METTL4: variants seen among roughly 807,000 people sequenced by gnomAD.
The protein encoded by METTL4 is N(6)-adenine-specific methyltransferase METTL4.
METTL4 carries 40 observed loss-of-function variants against 54.0 expected under a neutral mutation model. The ratio of observed to expected loss-of-function variants is 0.74; its 90% confidence interval spans 0.58 to 0.96. The LOEUF is 0.96. Ranked by LOEUF, METTL4 falls within the 50% of genes least tolerant of loss-of-function variation. The probability of loss-of-function intolerance (pLI) is 0.00; values close to 1 mark genes in which losing one functional copy is unlikely to be tolerated. For missense variants in METTL4, 525 were observed against 549.0 expected, an observed-to-expected ratio of 0.96 and a Z score of 0.44; for synonymous variants, 169 against 183.8, an observed-to-expected ratio of 0.92 and a Z score of 0.65.
chr18:2,563,914 T>C lies in METTL4; in HGVS notation c.397-55A>G, dbSNP rs568297572. 161 of 1,248,764 alleles carry C rather than the reference T, an allele frequency of 1.3e-4. No homozygotes were observed. The African/African-American group carries it at 2.1e-3, about 16-fold the overall frequency. The allele number at this position is 1,248,764 out of a possible 1,614,324, so 77.4% of individuals were successfully genotyped here. Reference sequence around the variant, plus strand: ...GTTATGTTGCCATTAATATTTTGCTTTTTCATTATAACATTATTTATGTCT... The same window carrying C: ...GTTATGTTGCCATTAATATTTTGCTCTTTCATTATAACATTATTTATGTCT... On this transcript the variant is annotated intron_variant, in intron 2 of 8. Coordinates refer to ENST00000574538, the MANE Select transcript of METTL4 (RefSeq NM_022840.5).
At position 2,567,363 on chromosome 18, in the gene METTL4, T is replaced by C; in HGVS notation, c.-147A>G. 1.7e-6 allele frequency: 1 copy of C among 579,354 alleles called. No homozygotes were observed. Among genetic ancestry groups the C allele is most frequent in the Non-Finnish European group, 2.9e-6 (1 of 349,116 alleles). The allele number at this position is 579,354 out of a possible 1,614,324, so 35.9% of individuals were successfully genotyped here. On this transcript the variant is annotated 5_prime_UTR_variant, in exon 2 of 9. It removes an upstream start codon present in the reference 5' UTR. Coordinates refer to ENST00000574538, the MANE Select transcript of METTL4 (RefSeq NM_022840.5). ...GATATACAAGTACAAAAACCTGACA[T>C]GCACATTGAAGAGAATTTATCATTC...
Position 2,551,113 on chromosome 18 carries a change from G to A in METTL4, c.899+1582C>T, listed in dbSNP as rs528733722. Among the ~76,000 whole-genome samples, 971 of 137,960 alleles carry A rather than the reference G, an allele frequency of 7.0e-3. 4 individuals carry two copies. Among genetic ancestry groups the A allele is most frequent in the Non-Finnish European group, 0.01 (692 of 66,050 alleles). The allele number at this position is 137,960 out of a possible 152,430, so 90.5% of individuals were successfully genotyped here. On this transcript the variant is annotated intron_variant, in intron 5 of 8. Transcript: ENST00000574538. ...CGGGAGGCGGAGCTTGCAGTGAGCC[G>A]AGATCGCGCCACTGCACTCCAGCCT...
Position 2,544,744 on chromosome 18 carries a change from C to T in METTL4, c.1090G>A (p.Glu364Lys), listed in dbSNP as rs1413388959. The change falls in exon 7 of 9, where the codon GAA (glutamate) becomes AAA (lysine). Residue 364 changes from glutamate to lysine, a missense_variant. Glu to Lys is a moderately conservative substitution (Grantham distance 56). Coordinates refer to ENST00000574538, the MANE Select transcript of METTL4 (RefSeq NM_022840.5). The part of the protein sequence containing the change: ...WHWVKITNSG[E>K]FVFPLDSPHK... ...GGAGAATCTAATGGGAACACAAATTCTCCTGAATTGGTTATCTGATAGGAA... is the reference window on the plus strand; with the variant it reads ...GGAGAATCTAATGGGAACACAAATTTTCCTGAATTGGTTATCTGATAGGAA... The T allele has an allele frequency of 6.2e-7, 1 of 1,611,798 alleles. No individual in the cohort carries two copies. The highest frequency in any genetic ancestry group is 1.7e-5 in the Admixed American group (1 of 59,804).
At chr18:2,566,675 C>T in intron 2 of METTL4, 146 bp downstream of exon 2, 1 of 549,310 alleles carries the variant, frequency 1.8e-6, no homozygotes, top group Non-Finnish European at 2.8e-6. Flanking sequence ...AAAAAAGCTA[C>T]AAATTATTTC....
At chr18:2,561,098 T>C (rs930138270) in intron 3 of METTL4, 9 of 152,150 alleles carry the variant, frequency 5.9e-5, no homozygotes, top group Admixed American at 4.6e-4. Context: ...TCCAACTCAG[T>C]TGAAACCCAG....
intron 3 of METTL4, chr18:2,561,842 T>C (rs180862671): frequency 6.6e-6 from 1 of 152,364 alleles, no homozygotes; most frequent in East Asian, 1.9e-4. Flanking sequence ...GTAAATCTTA[T>C]TAATTTTTTT....
intron 2 of METTL4, chr18:2,566,545 GTTT>G: frequency 5.4e-6 from 1 of 186,520 alleles, no homozygotes; most frequent in Non-Finnish European, 1.1e-5. Flanking sequence ...CTTTTTGTTT[GTTT>G]TTTTGCTGTC....
rs574810044 is a variant in METTL4, at chr18:2,537,633, C to G, written c.*1367G>C. ...AAGCCTCTGATACTATACTCACACA[C>G]TCAAAGGATGAACAAACTTCAAAAA... On this transcript the variant is annotated 3_prime_UTR_variant, in exon 9 of 9. Coordinates refer to ENST00000574538, the MANE Select transcript of METTL4 (RefSeq NM_022840.5). The G allele has an allele frequency of 1.4e-5, 5 of 360,326 alleles. No individual in the cohort carries two copies. In the East Asian group the frequency reaches 2.0e-4, roughly 14 times the overall value. The allele number at this position is 360,326 out of a possible 1,614,324, so 22.3% of individuals were successfully genotyped here. A position where few individuals can be genotyped will look rare whatever the true frequency, so the allele number is the denominator to read the frequency against.
In METTL4 at chr18:2,547,668, A is replaced by T. The variant is rs2072092320; in HGVS notation, c.900-139T>A. 3 of 576,746 alleles carry T rather than the reference A, an allele frequency of 5.2e-6. No individual in the cohort carries two copies. In the African/African-American group the frequency reaches 5.7e-5, roughly 11 times the overall value. 35.7% of individuals were successfully genotyped at this position (576,746 alleles called of 1,614,324 possible). A position where few individuals can be genotyped will look rare whatever the true frequency, so the allele number is the denominator to read the frequency against. On this transcript the variant is annotated intron_variant, in intron 5 of 8. Transcript: ENST00000574538. ...TATTTGTGTAGCAAAATATAAAGCC[A>T]CAGTGACACCCAGTGGACATATTAT...
At position 2,570,175 on chromosome 18, in the gene METTL4, G is replaced by C. The variant is rs186620630; in HGVS notation, c.-439+974C>G. ...TGTGATCATCCTTCCATCTATTGGA[G>C]TCTAGCTTGAAATGTGACAACCGGA... is the stretch of plus-strand genomic sequence containing the variant. On this transcript the variant is annotated intron_variant, in intron 1 of 8. Coordinates refer to ENST00000574538, the MANE Select transcript of METTL4 (RefSeq NM_022840.5). 5.8e-3 allele frequency among the ~76,000 whole-genome samples: 878 copies of C among 152,306 alleles called. 9 individuals are homozygous for C. Among genetic ancestry groups the C allele is most frequent in the African/African-American group, 0.02 (837 of 41,552 alleles).
chr18:2,550,344 C>CA (rs998686858), intron 5 of METTL4, among the ~76,000 whole-genome samples: 9 of 151,776 alleles, frequency 5.9e-5, no homozygotes, highest in East Asian at 3.8e-4. Context: ...GGAAAGTATG[C>CA]AAAAAAACAG....
chr18:2,556,693 AG>A (rs2072243931), intron 3 of METTL4, among the ~76,000 whole-genome samples: 1 of 152,170 alleles, frequency 6.6e-6, no homozygotes, highest in Non-Finnish European at 1.5e-5. Flanking sequence ...AAAGATGTAA[AG>A]GAAAAAAATG....
At chr18:2,563,941 A>G in intron 2 of METTL4, 82 bp from the exon 3 acceptor site, 2 of 807,410 alleles carry the variant, frequency 2.5e-6, no homozygotes, top group East Asian at 2.7e-5. Context: ...TTTATGTCTT[A>G]TATCTGTCTA....
In METTL4 at chr18:2,554,793, C is replaced by A; in HGVS notation, c.705G>T (p.Leu235Phe). 6.2e-7 allele frequency: 1 copy of A among 1,613,844 alleles called. No individual in the cohort carries two copies. The highest frequency in any genetic ancestry group is 1.1e-5 in the South Asian group (1 of 91,070). The change falls in exon 4 of 9, where the codon TTG becomes TTT. Residue 235 changes from leucine (L) to phenylalanine (F), a missense_variant. Coordinates refer to ENST00000574538, the MANE Select transcript of METTL4 (RefSeq NM_022840.5). ...AGCTAGAGTTGTTTTCAACAACTCGCAAAAATAAATCCTGTTCTGTAACAG... is the reference window on the plus strand; with the variant it reads ...AGCTAGAGTTGTTTTCAACAACTCGAAAAAATAAATCCTGTTCTGTAACAG... ...DTSVTEQDLF[L>F]RVVENNSSFT... is the part of the protein sequence containing the mutation.
chr18:2,558,928 T>C (rs2143557215), intron 3 of METTL4, among the ~76,000 whole-genome samples: 1 of 152,240 alleles, frequency 6.6e-6, no homozygotes, highest in East Asian at 1.9e-4. Flanking sequence ...AATGAGATAC[T>C]ACTCCACACC....
At chr18:2,554,559 T>C in intron 4 of METTL4, 110 bp downstream of exon 4, 2 of 946,994 alleles carry the variant, frequency 2.1e-6, no homozygotes, top group South Asian at 1.6e-5. Flanking sequence ...GAAAAGTGTC[T>C]ACCCTATCCT....
At chr18:2,544,326 A>C (rs746427124) in intron 7 of METTL4, 40 bp from the exon 8 acceptor site, 32 of 1,477,594 alleles carry the variant, frequency 2.2e-5, no homozygotes, top group Non-Finnish European at 9.3e-7. Flanking sequence ...TATTTTAAAA[A>C]ACAATTTTCT....
At chr18:2,563,268 A>G (rs1352679454) in intron 3 of METTL4, among the ~76,000 whole-genome samples, 2 of 152,180 alleles carry the variant, frequency 1.3e-5, no homozygotes, top group Admixed American at 1.3e-4. Flanking sequence ...TAAATATTTA[A>G]ACTAATAGAA....
chr18:2,556,873 C>T (rs747911839), intron 3 of METTL4, among the ~76,000 whole-genome samples: 4 of 151,842 alleles, frequency 2.6e-5, no homozygotes, highest in Admixed American at 6.6e-5. Context: ...AGGAGGAATC[C>T]GCACTATGTA....
Sources: gnomAD v4.1 joint callset for allele counts (sites outside exome capture counted in the v4.1 genomes callset) on GRCh38, gnomAD v4.1.1 for gene constraint, MANE v1.5 for transcripts, NCBI Gene and HGNC (gene_info 2026-07-23, HGNC 2026-07-21) for gene names.